MECOM: variants seen among roughly 807,000 people sequenced by gnomAD.
MECOM encodes the protein MDS1 and EVI1 complex locus.
Under a neutral mutation model 116.3 loss-of-function variants are expected in MECOM, and 13 were observed. The ratio of observed to expected loss-of-function variants is 0.11; its 90% CI spans 0.07 to 0.18. The LOEUF (loss-of-function observed/expected upper bound fraction) is 0.18. Ranked by LOEUF, MECOM falls within the 10% of genes least tolerant of loss-of-function variation. The pLI is 1.00. For synonymous variants in MECOM, 528 were observed against 535.2 expected (o/e 0.99, Z 0.19); for missense variants, 1,299 against 1,509.0 (o/e 0.86, Z 2.31).
intron 2 of MECOM, among the ~76,000 whole-genome samples, chr3:169,377,827 T>C (rs571455434): frequency 1.0e-3 from 156 of 152,264 alleles, no homozygotes; most frequent in African/African-American, 3.5e-3. Context: ...ACTGAGTATA[T>C]ACCCAAAGGA....
intron 1 of MECOM, among the ~76,000 whole-genome samples, chr3:169,581,400 T>A (rs1765108270): frequency 6.6e-6 from 1 of 152,198 alleles, no homozygotes; most frequent in African/African-American, 2.4e-5. Flanking sequence ...ATGGGCCTAA[T>A]CAGCTCCTAC....
intron 2 of MECOM, among the ~76,000 whole-genome samples, chr3:169,303,114 TC>T (rs1261189335): frequency 2.0e-5 from 3 of 152,190 alleles, no homozygotes; most frequent in Admixed American, 6.5e-5. Flanking sequence ...TAAATTTATG[TC>T]ACCGATCAAG....
At chr3:169,361,287 A>T (rs762819310) in intron 2 of MECOM, among the ~76,000 whole-genome samples, 3 of 151,858 alleles carry the variant, frequency 2.0e-5, no homozygotes, top group Non-Finnish European at 4.4e-5. Flanking sequence ...CCATTTAAAC[A>T]TGAATCAATG....
At chr3:169,325,989 C>T (rs914188942) in intron 2 of MECOM, among the ~76,000 whole-genome samples, 1 of 152,172 alleles carries the variant, frequency 6.6e-6, no homozygotes, top group Non-Finnish European at 1.5e-5. Context: ...AAAGATGAGC[C>T]ATAAAAGGCT....
intron 2 of MECOM, among the ~76,000 whole-genome samples, chr3:169,347,158 A>G (rs920397454): frequency 5.3e-5 from 8 of 152,066 alleles, no homozygotes; most frequent in African/African-American, 1.9e-4. Context: ...GAGAAACAAC[A>G]TATATGCATT....
In MECOM at chr3:169,481,223, T is replaced by C. The variant is rs1578220707; in HGVS notation, c.38-99699A>G. On this transcript the variant is annotated intron_variant, in intron 1 of 16. Coordinates refer to ENST00000651503, the MANE Select transcript of MECOM (RefSeq NM_004991.4). Reference sequence around the variant, plus strand: ...AGCCAATTCATGACTTTTAGCTGTATATCTTGGCATGTTAGGTTATGCTGG... The same window carrying C: ...AGCCAATTCATGACTTTTAGCTGTACATCTTGGCATGTTAGGTTATGCTGG... 2.0e-5 allele frequency among the ~76,000 whole-genome samples: 3 copies of C among 152,174 alleles called. No individual in the cohort carries two copies. The South Asian group carries it at 6.2e-4, about 32-fold the overall frequency.
chr3:169,305,927 C>T (rs1341949940), intron 2 of MECOM, among the ~76,000 whole-genome samples: 1 of 151,886 alleles, frequency 6.6e-6, no homozygotes, highest in African/African-American at 2.4e-5. Flanking sequence ...GTCTCTCCAC[C>T]TAGACACACA....
chr3:169,098,146 A>G (rs1422724597), intron 12 of MECOM, among the ~76,000 whole-genome samples: 1 of 152,166 alleles, frequency 6.6e-6, no homozygotes, highest in East Asian at 1.9e-4. Context: ...CTTACCTAAC[A>G]TTCATTAAAA....
chr3:169,146,399 G>A (rs1739929647), intron 2 of MECOM: 11 of 1,393,808 alleles, frequency 7.9e-6, no homozygotes, highest in Admixed American at 1.9e-5. Flanking sequence ...GAAACCGACG[G>A]ACAGAGACAC....
rs567410516 is a variant in MECOM, at chr3:169,369,867, T to C, written c.375+11320A>G. 6.1e-4 allele frequency among the ~76,000 whole-genome samples: 93 copies of C among 152,208 alleles called. 1 individual carries two copies. The highest frequency in any genetic ancestry group is 1.2e-3 in the Non-Finnish European group (83 of 67,974). On this transcript the variant is annotated intron_variant, in intron 2 of 16. Transcript: ENST00000651503. ...AAATACTTTGTAATGTAGGCTTTTA[T>C]AGTAATACACATTTGTTATTATATT...
At chr3:169,267,986 T>G (rs1380923022) in intron 2 of MECOM, among the ~76,000 whole-genome samples, 1 of 152,138 alleles carries the variant, frequency 6.6e-6, no homozygotes, top group Non-Finnish European at 1.5e-5. Context: ...CCAAGTATAG[T>G]GCACATTGCA....
chr3:169,256,544 T>G (rs556115103), intron 2 of MECOM, among the ~76,000 whole-genome samples: 1 of 152,234 alleles, frequency 6.6e-6, no homozygotes, highest in Non-Finnish European at 1.5e-5. Context: ...TAAATGGCCA[T>G]GACTTTTACT....
intron 9 of MECOM, among the ~76,000 whole-genome samples, chr3:169,110,197 C>G (rs1726883957): frequency 6.6e-6 from 1 of 152,148 alleles, no homozygotes; most frequent in Non-Finnish European, 1.5e-5. Flanking sequence ...TCTGTGCCCC[C>G]CTTACTTCTG....
intron 16 of MECOM, among the ~76,000 whole-genome samples, 168 bp from the exon 17 acceptor site, chr3:169,085,211 C>T (rs1220621403): frequency 1.3e-5 from 2 of 152,204 alleles, no homozygotes; most frequent in African/African-American, 2.4e-5. Flanking sequence ...CATGGGATTA[C>T]TGCTGGCCTT....
chr3:169,261,211 TAAA>T (rs1162864489), intron 2 of MECOM, among the ~76,000 whole-genome samples: 2 of 152,184 alleles, frequency 1.3e-5, no homozygotes, highest in Non-Finnish European at 2.9e-5. Context: ...TTCTAAAAGA[TAAA>T]AATATTTTTT....
Position 169,143,806 on chromosome 3 carries a change from C to G in MECOM, c.402G>C (p.Lys134Asn). The G allele has an allele frequency of 6.2e-7, 1 of 1,607,868 alleles. No individual in the cohort carries two copies. Among genetic ancestry groups the G allele is most frequent in the Non-Finnish European group, 8.5e-7 (1 of 1,177,264 alleles). Residue 134 changes from lysine (K) to asparagine (N), a missense_variant, in exon 3 of 17, where the codon AAG (lysine) becomes AAC (asparagine). By Grantham distance (94) the Lys-to-Asn change is moderately conservative. Around this residue, in one of 6 missense-constraint regions of MECOM, gnomAD observed 374 missense variants for 433.4 expected, o/e 0.86. Transcript: ENST00000651503. Reference protein sequence around the residue: ...WEILDEFYNVKFCIDASQPDV... With the variant: ...WEILDEFYNVNFCIDASQPDV... ...CTGGTTGACTGGCATCTATGCAGAA[C>G]TTCACATTGTAAAATTCGTCTAAGA...
At chr3:169,387,849 C>T (rs1733617319) in intron 1 of MECOM, among the ~76,000 whole-genome samples, 1 of 151,960 alleles carries the variant, frequency 6.6e-6, no homozygotes, top group Non-Finnish European at 1.5e-5. Flanking sequence ...GAAACAACTG[C>T]CAAGAGGAGC....
rs373228269 is a variant in MECOM at position 169,467,521 on chromosome 3, A to C, written c.38-85997T>G. ...CCAGTAAATCTCTATTTTATAGGTG[A>C]AGAAATACATTTCTACTTTAAGTGT... On this transcript the variant is annotated intron_variant, in intron 1 of 16. Coordinates refer to ENST00000651503, the MANE Select transcript of MECOM (RefSeq NM_004991.4). Among the ~76,000 whole-genome samples, 65 of 146,986 alleles carry C rather than the reference A, an allele frequency of 4.4e-4. No homozygotes were observed. In the East Asian group the frequency reaches 7.8e-3, roughly 18 times the overall value.
intron 1 of MECOM, among the ~76,000 whole-genome samples, chr3:169,521,408 C>T (rs1291382704): frequency 6.6e-6 from 1 of 152,142 alleles, no homozygotes; most frequent in Non-Finnish European, 1.5e-5. Context: ...GAAAGGCTGC[C>T]TTTACTTTTT....
Sources: gnomAD v4.1 joint callset for allele counts (sites outside exome capture counted in the v4.1 genomes callset) on GRCh38, gnomAD v4.1.1 for gene constraint, gnomAD v4.1.1 regional missense constraint, MANE v1.5 for transcripts, NCBI Gene and HGNC (gene_info 2026-07-23, HGNC 2026-07-21) for gene names.